Variants in FAM124B observed in about 807,000 individuals in gnomAD.
FAM124B encodes protein FAM124B.
A neutral mutation model predicts 19.7 loss-of-function variants in FAM124B; 18 were observed. The ratio of observed to expected loss-of-function variants is 0.92; its 90% CI spans 0.63 to 1.36. The LOEUF (loss-of-function observed/expected upper bound fraction) is 1.36, where lower values mean the gene tolerates loss of function less well. Among genes scored for constraint, FAM124B ranks in the 40% most tolerant of loss-of-function variants. FAM124B has a pLI of 0.00. For missense variants in FAM124B, 540 were observed against 553.3 expected (o/e 0.98, Z 0.24); for synonymous variants, 223 against 225.2 (o/e 0.99, Z 0.09).
rs1690066320 is a variant in FAM124B, at chr2:224,401,302, T to C, written c.467A>G (p.Tyr156Cys). Residue 156 changes from tyrosine (Y) to cysteine (C), a missense_variant, in exon 1 of 2, where the codon TAC becomes TGC. Tyr to Cys is a radical substitution (Grantham distance 194, BLOSUM62 -2). Coordinates refer to ENST00000409685, the MANE Select transcript of FAM124B (RefSeq NM_001122779.2). ...FDNYEDAIRL[Y>C]EMILQREATL... ...CGCTTCTCTCTGCAGGATCATCTCG[T>C]AGAGTCTGATGGCGTCTTCATAGTT... The C allele has an allele frequency of 1.2e-6, 2 of 1,613,970 alleles. No individual in the cohort carries two copies. The highest frequency in any genetic ancestry group is 2.2e-5 in the East Asian group (1 of 44,872).
Position 224,380,162 on chromosome 2 carries a change from G to C in FAM124B, c.779C>G (p.Ala260Gly), listed in dbSNP as rs1207741809. The C allele has an allele frequency of 1.3e-6, 2 of 1,551,314 alleles. No individual in the cohort carries two copies. Among genetic ancestry groups the C allele is most frequent in the Non-Finnish European group, 1.7e-6 (2 of 1,146,770 alleles). Residue 260 changes from alanine (A) to glycine (G), a missense_variant, in exon 2 of 2, where the codon GCT (alanine) becomes GGT (glycine). Physicochemically the swap from Ala to Gly is moderately conservative, Grantham distance 60. Coordinates refer to ENST00000409685, the MANE Select transcript of FAM124B (RefSeq NM_001122779.2). The stretch of plus-strand genomic sequence containing the variant: ...CCTGGAGCCCAGGGGAAGCATGCCA[G>C]CTCCCAAGATGCCATTCTTAACACC... ...ELGVKNGILG[A>G]GMLPLGSRLT...
rs185313150 is a variant in FAM124B at position 224,393,868 on chromosome 2, G to C, written c.732+7169C>G. 5.8e-4 allele frequency among the ~76,000 whole-genome samples: 88 copies of C among 152,292 alleles called. 1 individual carries two copies. The East Asian group carries it at 0.013, about 22-fold the overall frequency. Reference sequence around the variant, plus strand: ...TACAGCTTGGTCTCAGCAGTGTTTGGGGACGGTTCCATAAGCCCGGAGTGG... The same window carrying C: ...TACAGCTTGGTCTCAGCAGTGTTTGCGGACGGTTCCATAAGCCCGGAGTGG... On this transcript the variant is annotated intron_variant, in intron 1 of 1. Coordinates refer to ENST00000409685, the MANE Select transcript of FAM124B (RefSeq NM_001122779.2).
At chr2:224,380,767 T>C (rs967331011) in intron 1 of FAM124B, among the ~76,000 whole-genome samples, 4 of 152,228 alleles carry the variant, frequency 2.6e-5, no homozygotes, top group Non-Finnish European at 4.4e-5. Context: ...ATTCTTTAAA[T>C]TCTTGGGGCA....
intron 1 of FAM124B, among the ~76,000 whole-genome samples, chr2:224,387,771 G>A (rs1689821727): frequency 6.6e-6 from 1 of 152,092 alleles, no homozygotes; most frequent in Admixed American, 6.6e-5. Context: ...CTAAGAGGGA[G>A]TTCATAGATC....
intron 1 of FAM124B, among the ~76,000 whole-genome samples, chr2:224,386,595 C>T (rs1171156328): frequency 5.9e-5 from 9 of 152,280 alleles, no homozygotes; most frequent in Admixed American, 1.3e-4. Flanking sequence ...GCTCTCACAG[C>T]GCAGTCTGAA....
chr2:224,389,944 G>A (rs1017613167), intron 1 of FAM124B, among the ~76,000 whole-genome samples: 10 of 151,858 alleles, frequency 6.6e-5, no homozygotes, highest in African/African-American at 2.4e-4. Context: ...GGGGTGAGTG[G>A]GCCAGTGTTA....
intron 1 of FAM124B, among the ~76,000 whole-genome samples, chr2:224,390,339 T>G (rs1255535436): frequency 1.3e-5 from 2 of 151,790 alleles, no homozygotes; most frequent in Non-Finnish European, 2.9e-5. Flanking sequence ...AGGGGAAGAC[T>G]CAGGGTGCAG....
intron 1 of FAM124B, chr2:224,399,609 A>G (rs1281478926): frequency 2.0e-5 from 3 of 152,192 alleles, no homozygotes; most frequent in Admixed American, 1.3e-4. Flanking sequence ...ATTTACACAC[A>G]TACACTGGAC....
In FAM124B at chr2:224,381,955, TTCTC is replaced by T. The variant is rs200954879; in HGVS notation, c.733-1751_733-1748del. 9.9e-3 allele frequency among the ~76,000 whole-genome samples: 1,500 copies of T among 152,192 alleles called. 11 individuals are homozygous for T. The highest frequency in any genetic ancestry group is 0.013 in the Admixed American group (206 of 15,272). On this transcript the variant is annotated intron_variant, in intron 1 of 1. Coordinates refer to ENST00000409685, the MANE Select transcript of FAM124B (RefSeq NM_001122779.2). ...GAAAACAGGTCTAGAAATCAGTAAA[TTCTC>T]TCTCTCATACACACACACACACACT...
chr2:224,397,264 A>T (rs926085014), intron 1 of FAM124B, among the ~76,000 whole-genome samples: 4 of 152,136 alleles, frequency 2.6e-5, no homozygotes, highest in Admixed American at 2.6e-4. Flanking sequence ...AGTTCTCTGC[A>T]CAAGCCCTCT....
At chr2:224,393,085 G>A (rs1188691959) in intron 1 of FAM124B, among the ~76,000 whole-genome samples, 1 of 152,172 alleles carries the variant, frequency 6.6e-6, no homozygotes, top group Non-Finnish European at 1.5e-5. Flanking sequence ...TAGAGAAATG[G>A]GTCTCAGTTG....
In FAM124B at chr2:224,401,377, A is replaced by G. The variant is rs780946946; in HGVS notation, c.392T>C (p.Val131Ala). ...SQLPIWGVRQ[V>A]HCGSEILRVT... ...CCTCAGGATCTCGGAGCCACAGTGC[A>G]CCTGCCTCACCCCCCAGATGGGCAG... is the stretch of plus-strand genomic sequence containing the variant. The change falls in exon 1 of 2, where the codon GTG (valine) becomes GCG (alanine). Residue 131 changes from valine to alanine, a missense_variant. Val to Ala is a moderately conservative substitution (Grantham distance 64, BLOSUM62 0). Coordinates refer to ENST00000409685, the MANE Select transcript of FAM124B (RefSeq NM_001122779.2). The G allele has an allele frequency of 4.3e-6, 7 of 1,613,304 alleles. No individual in the cohort carries two copies. The highest frequency in any genetic ancestry group is 5.9e-6 in the Non-Finnish European group (7 of 1,179,936).
intron 1 of FAM124B, among the ~76,000 whole-genome samples, chr2:224,384,555 G>C (rs72968580): frequency 6.6e-6 from 1 of 152,054 alleles, no homozygotes; most frequent in Admixed American, 6.5e-5. Flanking sequence ...CGTGGTTTCC[G>C]GCCTCTCCCA....
intron 1 of FAM124B, among the ~76,000 whole-genome samples, chr2:224,388,286 C>G (rs970776940): frequency 6.6e-6 from 1 of 152,016 alleles, no homozygotes; most frequent in South Asian, 2.1e-4. Context: ...TTGATCAGAG[C>G]CTTAAAATTG....
At chr2:224,399,111 A>G (rs1690021591) in intron 1 of FAM124B, among the ~76,000 whole-genome samples, 1 of 152,046 alleles carries the variant, frequency 6.6e-6, no homozygotes, top group Admixed American at 6.6e-5. Flanking sequence ...ACTCTTCTAC[A>G]CTCCCCAAAT....
At chr2:224,397,313 C>T (rs1049704646) in intron 1 of FAM124B, among the ~76,000 whole-genome samples, 3 of 152,164 alleles carry the variant, frequency 2.0e-5, no homozygotes, top group African/African-American at 7.2e-5. Flanking sequence ...ATGTGACTTG[C>T]TCCTCTTTGC....
intron 1 of FAM124B, among the ~76,000 whole-genome samples, chr2:224,391,897 TG>T (rs1053306827): frequency 1.3e-5 from 2 of 152,228 alleles, no homozygotes; most frequent in African/African-American, 4.8e-5. Flanking sequence ...TTAGATTATC[TG>T]TTGTCCTTAG....
intron 1 of FAM124B, among the ~76,000 whole-genome samples, chr2:224,398,762 G>T (rs1286955261): frequency 6.6e-6 from 1 of 152,156 alleles, no homozygotes; most frequent in Non-Finnish European, 1.5e-5. Context: ...GGTCACTTGA[G>T]GCCAGATGTT....
rs982033591 is a variant in FAM124B at position 224,378,732 on chromosome 2, T to C, written c.*841A>G. The C allele has an allele frequency of 2.0e-5, 3 of 152,194 alleles. No homozygotes were observed. Among genetic ancestry groups the C allele is most frequent in the Admixed American group, 6.5e-5 (1 of 15,268 alleles). The allele number at this position is 152,194 out of a possible 1,614,324, so 9.4% of individuals were successfully genotyped here. On this transcript the variant is annotated 3_prime_UTR_variant, in exon 2 of 2. Transcript: ENST00000409685. ...AAAAAATGTTTATTGAATGAACATA[T>C]ATAAATGAATGAATGAGTGCGTTTT...
Sources: gnomAD v4.1 joint callset for allele counts (sites outside exome capture counted in the v4.1 genomes callset) on GRCh38, gnomAD v4.1.1 for gene constraint, MANE v1.5 for transcripts, NCBI Gene and HGNC (gene_info 2026-07-23, HGNC 2026-07-21) for gene names.